OVCH1: variants seen among roughly 807,000 people sequenced by gnomAD.
OVCH1 encodes the protein ovochymase-1.
Under a neutral mutation model 138.4 loss-of-function variants are expected in OVCH1, and 139 were observed. The ratio of observed to expected loss-of-function variants is 1.00; its 90% CI spans 0.87 to 1.16. The LOEUF is 1.16. Among genes scored for constraint, OVCH1 ranks in the 50% most tolerant of loss-of-function variants. The probability of loss-of-function intolerance (pLI) is 0.00; values close to 1 mark genes in which losing one functional copy is unlikely to be tolerated. For missense variants in OVCH1, 1,367 were observed against 1,357.9 expected (o/e 1.01, Z -0.11); for synonymous variants, 453 against 467.8 (o/e 0.97, Z 0.41).
At position 29,471,848 on chromosome 12, in the gene OVCH1, T is replaced by C. The variant is rs201981706; in HGVS notation, c.1810A>G (p.Ile604Val). ...GTCAGAATCCACACTGGGTTGATGA[T>C]GGCACCTCCACATTGGTAATCGCCT... Residue 604 changes from isoleucine to valine, a missense_variant, in exon 16 of 28, where the codon ATC becomes GTC. By Grantham distance (29) the Ile-to-Val change is conservative. Transcript: ENST00000318184. The C allele has an allele frequency of 1.4e-4, 233 of 1,612,992 alleles. No individual in the cohort carries two copies. In the African/African-American group the frequency reaches 2.6e-3, roughly 18 times the overall value.
chr12:29,432,201 T>C (rs765701773), intron 27 of OVCH1, among the ~76,000 whole-genome samples: 1 of 152,158 alleles, frequency 6.6e-6, no homozygotes, highest in Non-Finnish European at 1.5e-5. Context: ...ATAAGGACTT[T>C]TACTATGAAT....
At chr12:29,428,858 C>CA (rs1281000862) in intron 27 of OVCH1, among the ~76,000 whole-genome samples, 1 of 152,206 alleles carries the variant, frequency 6.6e-6, no homozygotes, top group Non-Finnish European at 1.5e-5. Context: ...CAAAATGTTT[C>CA]AAAAAGTTTC....
At chr12:29,449,448 T>A (rs1941716388) in intron 22 of OVCH1, among the ~76,000 whole-genome samples, 1 of 152,132 alleles carries the variant, frequency 6.6e-6, no homozygotes, top group Non-Finnish European at 1.5e-5. Flanking sequence ...TAAATTACTT[T>A]GGGCAGTATG....
At position 29,463,715 on chromosome 12, in the gene OVCH1, C is replaced by T. The variant is rs532552969; in HGVS notation, c.2125+792G>A. 4.6e-5 allele frequency among the ~76,000 whole-genome samples: 7 copies of T among 152,262 alleles called. No individual in the cohort carries two copies. The South Asian group carries it at 1.4e-3, about 32-fold the overall frequency. Reference sequence around the variant, plus strand: ...TTGTAAAATGGGGATGATAAAAGCTCCTCATGTGTTGGGTGTGAAGATTTT... The same window carrying T: ...TTGTAAAATGGGGATGATAAAAGCTTCTCATGTGTTGGGTGTGAAGATTTT... On this transcript the variant is annotated intron_variant, in intron 18 of 27. Coordinates refer to ENST00000318184, the Ensembl canonical transcript of OVCH1.
chr12:29,463,364 A>G (rs1942203093), intron 18 of OVCH1, among the ~76,000 whole-genome samples: 1 of 152,192 alleles, frequency 6.6e-6, no homozygotes, highest in South Asian at 2.1e-4. Context: ...GATTGTAATA[A>G]GAGTGTTCCA....
At chr12:29,469,781 G>A (rs1942440489) in intron 16 of OVCH1, among the ~76,000 whole-genome samples, 1 of 152,060 alleles carries the variant, frequency 6.6e-6, no homozygotes, top group South Asian at 2.1e-4. Flanking sequence ...GGTTGAGGTG[G>A]GAGGATCCCT....
chr12:29,491,985 T>C (rs927925908), intron 4 of OVCH1, among the ~76,000 whole-genome samples: 3 of 152,206 alleles, frequency 2.0e-5, no homozygotes, highest in Non-Finnish European at 4.4e-5. Context: ...CATGAGTGTA[T>C]ATATTTGTGT....
intron 25 of OVCH1, chr12:29,440,660 T>C: frequency 4.4e-6 from 2 of 454,080 alleles, no homozygotes; most frequent in Non-Finnish European, 8.8e-6. Context: ...TCATAGATAC[T>C]GCAGTCTCCC....
intron 25 of OVCH1, among the ~76,000 whole-genome samples, chr12:29,439,932 G>T (rs2135916155): frequency 6.6e-6 from 1 of 152,316 alleles, no homozygotes; most frequent in East Asian, 1.9e-4. Context: ...TATGGAGACT[G>T]GGCACAGAGC....
intron 8 of OVCH1, among the ~76,000 whole-genome samples, chr12:29,483,450 T>C (rs1398331396): frequency 6.6e-6 from 1 of 152,226 alleles, no homozygotes; most frequent in Non-Finnish European, 1.5e-5. Flanking sequence ...GTACTTGAAA[T>C]AAATATTTAT....
chr12:29,406,226 A>C, the OVCH1 span, among the ~76,000 whole-genome samples: 1 of 152,226 alleles, frequency 6.6e-6, no homozygotes, highest in Non-Finnish European at 1.5e-5. Context: ...ATTCTTCAAT[A>C]CATGTTTTTA....
intron 3 of OVCH1, among the ~76,000 whole-genome samples, chr12:29,415,096 G>A (rs1436317): frequency 0.52 from 78,920 of 151,850 alleles, 20,749 homozygotes; most frequent in Middle Eastern, 0.62. Context: ...CTTCCCAGTG[G>A]AAAGAAATGA....
Position 29,494,623 on chromosome 12 carries a change from A to G in OVCH1, c.454+662T>C, listed in dbSNP as rs530947168. Among the ~76,000 whole-genome samples the G allele has an allele frequency of 3.8e-4, 58 of 152,314 alleles. 1 individual carries two copies. The South Asian group carries it at 0.012, about 30-fold the overall frequency. ...AAAATGTAGTATATATACACAACGGACTATTATTCAGCCACAAAAAGAATG... is the reference window on the plus strand; with the variant it reads ...AAAATGTAGTATATATACACAACGGGCTATTATTCAGCCACAAAAAGAATG... On this transcript the variant is annotated intron_variant, in intron 4 of 27. Transcript: ENST00000318184.
intron 19 of OVCH1, among the ~76,000 whole-genome samples, chr12:29,456,852 G>A (rs1941965540): frequency 6.6e-6 from 1 of 152,132 alleles, no homozygotes; most frequent in African/African-American, 2.4e-5. Context: ...ATCAAACCAA[G>A]CCTTAATACA....
chr12:29,440,248 G>A (rs1314175339), intron 25 of OVCH1, among the ~76,000 whole-genome samples: 1 of 152,118 alleles, frequency 6.6e-6, no homozygotes, highest in Non-Finnish European at 1.5e-5. Context: ...TTGAAATAGA[G>A]TCATAAAACT....
intron 8 of OVCH1, among the ~76,000 whole-genome samples, chr12:29,483,915 A>G (rs1177125531): frequency 6.6e-6 from 1 of 152,172 alleles, no homozygotes; most frequent in Non-Finnish European, 1.5e-5. Context: ...ACCACACCAA[A>G]GAGAATTAGT....
At chr12:29,443,551 TGTTA>T (rs1447783393) in intron 24 of OVCH1, 51 bp from the exon 25 acceptor site, 4 of 1,471,802 alleles carry the variant, frequency 2.7e-6, no homozygotes, top group Non-Finnish European at 2.7e-6. Flanking sequence ...CAGAATATAT[TGTTA>T]GTTATTTTGC....
chr12:29,447,883 T>C (rs1310693835), intron 22 of OVCH1, among the ~76,000 whole-genome samples: 1 of 152,020 alleles, frequency 6.6e-6, no homozygotes, highest in African/African-American at 2.4e-5. Flanking sequence ...GCCTTCTATG[T>C]GTTGGGCACT....
intron 19 of OVCH1, 44 bp downstream of exon 19, chr12:29,461,810 A>C (rs1942143596): frequency 3.1e-6 from 5 of 1,611,130 alleles, no homozygotes; most frequent in Non-Finnish European, 4.2e-6. Context: ...TCTTCAGCAG[A>C]TGGCAATTTT....
Sources: gnomAD v4.1 joint callset for allele counts (sites outside exome capture counted in the v4.1 genomes callset) on GRCh38, gnomAD v4.1.1 for gene constraint, MANE v1.5 for transcripts, NCBI Gene and HGNC (gene_info 2026-07-23, HGNC 2026-07-21) for gene names.